PCDHA2: variants seen among roughly 807,000 people sequenced by gnomAD.
The protein encoded by PCDHA2 is protocadherin alpha 2.
A neutral mutation model predicts 66.0 loss-of-function variants in PCDHA2; 58 were observed. The observed-to-expected ratio is 0.88, with a 90% confidence interval of 0.71 to 1.09. The LOEUF (loss-of-function observed/expected upper bound fraction) is 1.09, where lower values mean the gene tolerates loss of function less well. Ranked by LOEUF, PCDHA2 falls within the 50% of genes least tolerant of loss-of-function variation. The probability of loss-of-function intolerance (pLI) is 0.00; values close to 1 mark genes in which losing one functional copy is unlikely to be tolerated. For missense variants in PCDHA2, 1,267 were observed against 1,242.3 expected (o/e 1.02, Z -0.30); for synonymous variants, 634 against 554.0 (o/e 1.14, Z -2.03).
At chr5:140,850,107 C>T (rs2150467518) in intron 1 of PCDHA2, 8 of 1,596,052 alleles carry the variant, frequency 5.0e-6, no homozygotes, top group South Asian at 1.1e-5. Context: ...GGTGAGCGCG[C>T]GCGACGCGGG....
chr5:140,915,606 C>A (rs2077190807), intron 1 of PCDHA2, among the ~76,000 whole-genome samples: 1 of 150,452 alleles, frequency 6.6e-6, no homozygotes, highest in African/African-American at 2.5e-5. Context: ...CCCTTACTTT[C>A]TGTCAAACAG....
At chr5:141,003,173 G>A (rs782452600) in intron 3 of PCDHA2, among the ~76,000 whole-genome samples, 6 of 152,174 alleles carry the variant, frequency 3.9e-5, no homozygotes, top group Non-Finnish European at 5.9e-5. Context: ...AGTCCCTGAG[G>A]CTCAACTCCA....
intron 3 of PCDHA2, among the ~76,000 whole-genome samples, chr5:141,004,011 CT>C (rs1220756747): frequency 2.6e-4 from 40 of 152,200 alleles, no homozygotes; most frequent in African/African-American, 9.4e-4. Context: ...GGAGGCAGCA[CT>C]GAAAGAAGAA....
intron 1 of PCDHA2, chr5:140,802,193 T>C (rs548656877): frequency 6.2e-7 from 1 of 1,614,208 alleles, no homozygotes; most frequent in African/African-American, 1.3e-5. Context: ...CAATGTCAGA[T>C]CACTGCACAG....
chr5:140,801,205 TCTC>T, intron 1 of PCDHA2: 1 of 1,599,612 alleles, frequency 6.3e-7, no homozygotes, highest in Non-Finnish European at 8.5e-7. Context: ...GCAATGTTGT[TCTC>T]CTGGCGAGAA....
At chr5:140,810,596 T>C (rs1298565134) in intron 1 of PCDHA2, 1 of 152,236 alleles carries the variant, frequency 6.6e-6, no homozygotes, top group Non-Finnish European at 1.5e-5. Context: ...TATTTTATTT[T>C]GGCAATTTTT....
At chr5:140,827,860 G>T in intron 1 of PCDHA2, 1 of 529,744 alleles carries the variant, frequency 1.9e-6, no homozygotes. Flanking sequence ...AAAAATATAT[G>T]GTATAGCACT....
chr5:140,853,242 A>T, intron 1 of PCDHA2: 1 of 978,496 alleles, frequency 1.0e-6, no homozygotes, highest in Non-Finnish European at 1.2e-6. Context: ...CCTTCATATT[A>T]ATCTCTATTC....
intron 1 of PCDHA2, chr5:140,876,810 C>T (rs782009058): frequency 1.9e-6 from 3 of 1,614,154 alleles, no homozygotes; most frequent in East Asian, 2.2e-5. Flanking sequence ...TGGAGGTGGC[C>T]GACGTGAACG....
intron 2 of PCDHA2, 138 bp from the exon 3 acceptor site, chr5:140,982,337 A>G: frequency 6.9e-7 from 1 of 1,455,066 alleles, no homozygotes; most frequent in East Asian, 2.5e-5. Context: ...CTCAGCAGTA[A>G]TTGCTTCAGT....
At chr5:140,861,739 G>A (rs2047048069) in intron 1 of PCDHA2, 3 of 159,798 alleles carry the variant, frequency 1.9e-5, no homozygotes, top group Admixed American at 1.3e-4. Context: ...CTTACATACT[G>A]TGCCGCAATG....
intron 1 of PCDHA2, among the ~76,000 whole-genome samples, chr5:140,846,468 G>A (rs1461783374): frequency 7.0e-6 from 1 of 142,284 alleles, no homozygotes; most frequent in East Asian, 2.1e-4. Flanking sequence ...TCTGCCTCCC[G>A]GGTTCAAATG....
chr5:140,833,755 C>CAT (rs1554133952), intron 1 of PCDHA2, among the ~76,000 whole-genome samples: 1 of 151,932 alleles, frequency 6.6e-6, no homozygotes, highest in East Asian at 1.9e-4. Context: ...AAAGAAAACA[C>CAT]ACACACACAC....
chr5:140,932,790 A>G (rs917083739), intron 1 of PCDHA2, among the ~76,000 whole-genome samples: 21 of 152,066 alleles, frequency 1.4e-4, no homozygotes, highest in African/African-American at 5.1e-4. Flanking sequence ...GACATAAGAG[A>G]AAAGCAATAC....
intron 3 of PCDHA2, among the ~76,000 whole-genome samples, chr5:140,989,624 G>C (rs527255277): frequency 6.6e-6 from 1 of 152,208 alleles, no homozygotes; most frequent in Non-Finnish European, 1.5e-5. Context: ...GTCTGTCCTA[G>C]TGACAGCAAG....
intron 1 of PCDHA2, chr5:140,816,153 G>A (rs2126669900): frequency 1.3e-5 from 2 of 152,238 alleles, no homozygotes; most frequent in Admixed American, 6.5e-5. Flanking sequence ...CAGCCTGCTC[G>A]AGGATGTCCT....
chr5:140,869,613 C>T (rs369176341), intron 1 of PCDHA2: 402 of 1,613,826 alleles, frequency 2.5e-4, no homozygotes, highest in Non-Finnish European at 3.3e-4. Context: ...TATTGACCTA[C>T]AGGCTAAGTA....
chr5:140,879,366 C>A (rs1363345702), intron 1 of PCDHA2, among the ~76,000 whole-genome samples: 1 of 152,156 alleles, frequency 6.6e-6, no homozygotes, highest in East Asian at 1.9e-4. Flanking sequence ...CATTAACCAA[C>A]CTGCAGAACA....
rs1198183048 is a variant in PCDHA2, at chr5:140,803,348, A to G, written c.2388+5996A>G. 10 of 1,614,030 alleles carry G rather than the reference A, an allele frequency of 6.2e-6. No individual in the cohort carries two copies. The African/African-American group carries it at 1.1e-4, about 17-fold the overall frequency. On this transcript the variant is annotated intron_variant, in intron 1 of 3. Coordinates refer to ENST00000526136, the MANE Select transcript of PCDHA2 (RefSeq NM_018905.3). ...GTCTGTTGGTGCTCACACTGCTGCT[A>G]TATACTGCTCTGCGGTGCTCCGCGC...
Sources: gnomAD v4.1 joint callset for allele counts (sites outside exome capture counted in the v4.1 genomes callset) on GRCh38, gnomAD v4.1.1 for gene constraint, MANE v1.5 for transcripts, NCBI Gene and HGNC (gene_info 2026-07-23, HGNC 2026-07-21) for gene names.